The following ARMC7 variants were observed in gnomAD, a reference collection of about 807,000 sequenced individuals.
ARMC7 encodes the protein armadillo repeat-containing protein 7.
In ARMC7, 9 loss-of-function variants were observed where a neutral mutation model predicts 14.8. That is an observed-to-expected ratio of 0.61 (90% confidence interval 0.37 to 1.06). The LOEUF is 1.06. Ranked by LOEUF, ARMC7 falls within the 50% of genes least tolerant of loss-of-function variation. The pLI, the probability that ARMC7 is intolerant of heterozygous loss-of-function variation, is 0.01. For missense variants in ARMC7, 262 were observed against 267.1 expected, an observed-to-expected ratio of 0.98 and a Z score of 0.13; for synonymous variants, 125 against 123.4, an observed-to-expected ratio of 1.01 and a Z score of -0.09.
intron 2 of ARMC7, among the ~76,000 whole-genome samples, chr17:75,127,264 C>A (rs2074058803): frequency 6.6e-6 from 1 of 152,154 alleles, no homozygotes; most frequent in South Asian, 2.1e-4. Flanking sequence ...TAAATACTTA[C>A]ATATATTCAC....
chr17:75,111,097 C>T (rs1408360974), intron 2 of ARMC7, among the ~76,000 whole-genome samples: 3 of 152,008 alleles, frequency 2.0e-5, no homozygotes, highest in Admixed American at 2.0e-4. Flanking sequence ...TGCACTCCAG[C>T]CTGGGCGACA....
intron 2 of ARMC7, chr17:75,114,353 T>G: frequency 2.5e-6 from 1 of 398,666 alleles, no homozygotes; most frequent in Non-Finnish European, 4.4e-6. Flanking sequence ...TTCCTCAGGG[T>G]CAGGAAGCAA....
intron 2 of ARMC7, 36 bp downstream of exon 2, chr17:75,110,642 GGC>G: frequency 6.2e-7 from 1 of 1,612,186 alleles, no homozygotes; most frequent in Non-Finnish European, 8.5e-7. Flanking sequence ...TGCCTAAATG[GGC>G]CAGGGTGAGA....
At chr17:75,128,341 G>A (rs562008288) in intron 2 of ARMC7, among the ~76,000 whole-genome samples, 9 of 152,224 alleles carry the variant, frequency 5.9e-5, no homozygotes, top group Admixed American at 2.0e-4. Context: ...CCAAAGTGCT[G>A]GGATTACAGG....
At chr17:75,125,849 TAAAAAAGGTTCCCTCAAAGCA>T (rs954243440) in intron 2 of ARMC7, among the ~76,000 whole-genome samples, 2 of 151,706 alleles carry the variant, frequency 1.3e-5, no homozygotes, top group African/African-American at 4.8e-5. Context: ...ATCTCAAAAA[TAAAAAAGGTTCCCTCAAAGCA>T]GGACCAGCCT....
At chr17:75,124,883 G>A (rs894045775) in intron 2 of ARMC7, among the ~76,000 whole-genome samples, 5 of 152,192 alleles carry the variant, frequency 3.3e-5, no homozygotes, top group South Asian at 2.1e-4. Context: ...AAGTGTCCAC[G>A]GTTCTAGGAA....
At chr17:75,116,972 G>A (rs931952601) in intron 2 of ARMC7, among the ~76,000 whole-genome samples, 1 of 152,162 alleles carries the variant, frequency 6.6e-6, no homozygotes, top group African/African-American at 2.4e-5. Context: ...CCTCTCTGAG[G>A]GCTGGAAGCT....
intron 2 of ARMC7, among the ~76,000 whole-genome samples, chr17:75,113,634 C>T (rs531403893): frequency 1.7e-4 from 26 of 152,272 alleles, no homozygotes; most frequent in African/African-American, 5.1e-4. Context: ...GGATTACAGG[C>T]GTGAGCCACC....
intron 2 of ARMC7, 32 bp from the exon 3 acceptor site, chr17:75,128,645 C>T (rs749262226): frequency 1.3e-6 from 2 of 1,586,456 alleles, no homozygotes; most frequent in East Asian, 4.5e-5. Flanking sequence ...CCCGGGGCTA[C>T]AGCATCCAGA....
intron 2 of ARMC7, among the ~76,000 whole-genome samples, chr17:75,125,605 A>G (rs1332212023): frequency 6.6e-6 from 1 of 152,176 alleles, no homozygotes; most frequent in East Asian, 1.9e-4. Flanking sequence ...TGGGAGGCCA[A>G]GATGGGTGGA....
At chr17:75,120,619 C>A (rs900464391) in intron 2 of ARMC7, among the ~76,000 whole-genome samples, 1 of 151,976 alleles carries the variant, frequency 6.6e-6, no homozygotes, top group Non-Finnish European at 1.5e-5. Flanking sequence ...TCAAGACCAT[C>A]CTGGCTAATA....
chr17:75,110,264 C>T lies in ARMC7; in HGVS notation c.-25C>T. 8.8e-6 allele frequency: 14 copies of T among 1,586,662 alleles called. No individual in the cohort carries two copies. The highest frequency in any genetic ancestry group is 1.2e-5 in the Non-Finnish European group (14 of 1,169,336). ...ACCTTTCCCACCCTCCCGCCCGTCC[C>T]TGGGGGTCCTCCGTCACCGCGGCCA... On this transcript the variant is annotated 5_prime_UTR_variant, in exon 1 of 3. Transcript: ENST00000245543.
At chr17:75,125,270 C>CT (rs2074043341) in intron 2 of ARMC7, among the ~76,000 whole-genome samples, 1 of 152,206 alleles carries the variant, frequency 6.6e-6, no homozygotes, top group Admixed American at 6.5e-5. Flanking sequence ...CGGGTCAGTG[C>CT]TTAAAGGATC....
intron 2 of ARMC7, chr17:75,114,469 G>A (rs1387183413): frequency 7.6e-6 from 3 of 393,614 alleles, no homozygotes; most frequent in Non-Finnish European, 1.3e-5. Context: ...CGGCGTGGGT[G>A]ACTGAGCCCG....
intron 2 of ARMC7, among the ~76,000 whole-genome samples, chr17:75,120,486 T>C (rs962889876): frequency 6.6e-6 from 1 of 152,146 alleles, no homozygotes; most frequent in Non-Finnish European, 1.5e-5. Context: ...AAGTCGGAAC[T>C]TGTTCTCCTT....
chr17:75,110,398 T>C lies in ARMC7; in HGVS notation c.91+19T>C. ...AGCCAAGGTGAGAGCCACGGTGGGA[T>C]CAGGTGGCAGGGTCCGCTGTGACCG... is the stretch of plus-strand genomic sequence containing the variant. On this transcript the variant is annotated intron_variant, in intron 1 of 2. Transcript: ENST00000245543. 6.2e-7 allele frequency: 1 copy of C among 1,614,054 alleles called. No individual in the cohort carries two copies. Among genetic ancestry groups the C allele is most frequent in the African/African-American group, 1.3e-5 (1 of 75,040 alleles).
At chr17:75,114,444 T>C (rs991521139) in intron 2 of ARMC7, 5 of 394,468 alleles carry the variant, frequency 1.3e-5, no homozygotes, top group African/African-American at 4.1e-5. Context: ...GTTCTTGCCA[T>C]CCTGGGCAGC....
chr17:75,130,101 TA>T lies in ARMC7; in HGVS notation c.*1064del. 1 of 184,554 alleles carries T rather than the reference TA, an allele frequency of 5.4e-6. No homozygotes were observed. The highest frequency in any genetic ancestry group is 1.1e-5 in the Non-Finnish European group (1 of 87,058). 11.4% of individuals were successfully genotyped at this position (184,554 alleles called of 1,614,324 possible). A position where few individuals can be genotyped will look rare whatever the true frequency, so the allele number is the denominator to read the frequency against. ...GGAATGGCAGGTGCTACAAAAATGG[TA>T]CCCACGTGGGCATGGAAATGGGGCA... On this transcript the variant is annotated 3_prime_UTR_variant, in exon 3 of 3. Transcript: ENST00000245543.
At position 75,128,888 on chromosome 17, in the gene ARMC7, C is replaced by T. The variant is rs1209985538; in HGVS notation, c.447C>T (p.Ser149=). ...TPVVQCMLRF[S]LSASARLRNL... is the part of the protein sequence containing the mutation. ...TGGTGCAGTGCATGCTTCGCTTCTCCCTCTCGGCCAGCGCCAGGCTCCGGA... is the reference window on the plus strand; with the variant it reads ...TGGTGCAGTGCATGCTTCGCTTCTCTCTCTCGGCCAGCGCCAGGCTCCGGA... Residue 149 remains serine, a synonymous_variant, in exon 3 of 3, where the codon TCC becomes TCT. Coordinates refer to ENST00000245543, the MANE Select transcript of ARMC7 (RefSeq NM_024585.4). The T allele has an allele frequency of 2.5e-6, 4 of 1,611,458 alleles. No individual in the cohort carries two copies. Among genetic ancestry groups the T allele is most frequent in the Non-Finnish European group, 2.5e-6 (3 of 1,179,918 alleles).
Sources: allele counts gnomAD v4.1 joint callset (sites outside exome capture counted in the v4.1 genomes callset), GRCh38; gene constraint gnomAD v4.1.1; transcripts MANE v1.5; gene names NCBI Gene and HGNC (gene_info 2026-07-23, HGNC 2026-07-21).